TMED8: variants seen among roughly 807,000 people sequenced by gnomAD.
TMED8 encodes transmembrane p24 trafficking protein family member 8.
TMED8 carries 15 observed loss-of-function variants against 32.7 expected under a neutral mutation model. That is an observed-to-expected ratio of 0.46 (90% CI 0.31 to 0.71). TMED8 has a LOEUF of 0.71. Ranked by LOEUF, TMED8 falls within the 30% of genes least tolerant of loss-of-function variation. The probability of loss-of-function intolerance (pLI) is 0.06; values close to 1 mark genes in which losing one functional copy is unlikely to be tolerated. For synonymous variants in TMED8, 147 were observed against 161.4 expected, an observed-to-expected ratio of 0.91 and a Z score of 0.68; for missense variants, 390 against 423.9, an observed-to-expected ratio of 0.92 and a Z score of 0.70.
chr14:77,371,562 T>C (rs1315942530), intron 1 of TMED8, among the ~76,000 whole-genome samples: 2 of 152,208 alleles, frequency 1.3e-5, no homozygotes, highest in African/African-American at 4.8e-5. Flanking sequence ...CTAAATTACA[T>C]AAGAACTACT....
chr14:77,355,154 TTGTGTG>T (rs149768550), intron 1 of TMED8, among the ~76,000 whole-genome samples: 1 of 147,728 alleles, frequency 6.8e-6, no homozygotes, highest in Non-Finnish European at 1.5e-5. Flanking sequence ...TGTATATGTA[TTGTGTG>T]TGTGTGTGTG....
At chr14:77,344,433 C>G (rs923436450) in intron 3 of TMED8, among the ~76,000 whole-genome samples, 3 of 152,182 alleles carry the variant, frequency 2.0e-5, no homozygotes, top group Admixed American at 6.5e-5. Flanking sequence ...ACAATTTCAC[C>G]TTAGACCAGC....
intron 1 of TMED8, among the ~76,000 whole-genome samples, chr14:77,361,931 AGGCAT>A (rs1158494198): frequency 6.6e-6 from 1 of 152,272 alleles, no homozygotes; most frequent in East Asian, 1.9e-4. Flanking sequence ...CTGACACAAC[AGGCAT>A]GGGCTACCAC....
chr14:77,358,264 A>G (rs1893342300), intron 1 of TMED8, among the ~76,000 whole-genome samples: 1 of 152,086 alleles, frequency 6.6e-6, no homozygotes, highest in Non-Finnish European at 1.5e-5. Context: ...ATACATGTAA[A>G]ATGAATTCAT....
At chr14:77,349,159 G>A (rs913354606) in intron 2 of TMED8, among the ~76,000 whole-genome samples, 1 of 136,984 alleles carries the variant, frequency 7.3e-6, no homozygotes, top group Non-Finnish European at 1.5e-5. Context: ...CGCCCAAGCT[G>A]GGGTGTAGTG....
chr14:77,346,784 T>TG (rs1555359446), intron 2 of TMED8, among the ~76,000 whole-genome samples: 3 of 136,348 alleles, frequency 2.2e-5, no homozygotes, highest in East Asian at 2.0e-4. Context: ...TTTTTTTTTT[T>TG]GTCATTGTTG....
At chr14:77,347,460 T>G (rs944376511) in intron 2 of TMED8, among the ~76,000 whole-genome samples, 35 of 152,238 alleles carry the variant, frequency 2.3e-4, no homozygotes, top group African/African-American at 8.0e-4. Context: ...AGTTGTTTGT[T>G]TTTTGGCAGA....
intron 1 of TMED8, among the ~76,000 whole-genome samples, chr14:77,374,304 A>G (rs1208078937): frequency 6.6e-6 from 1 of 152,256 alleles, no homozygotes; most frequent in Non-Finnish European, 1.5e-5. Context: ...GGTCCAGGCC[A>G]AATATAGTAT....
intron 2 of TMED8, among the ~76,000 whole-genome samples, chr14:77,346,764 T>TG (rs1893053233): frequency 7.5e-6 from 1 of 134,160 alleles, no homozygotes; most frequent in South Asian, 2.2e-4. Flanking sequence ...GGTCTGGTTT[T>TG]TTTTTTTTTT....
chr14:77,359,584 G>T lies in TMED8; in HGVS notation c.119-7833C>A. 7.3e-6 allele frequency: 3 copies of T among 409,886 alleles called. 1 individual carries two copies. The highest frequency in any genetic ancestry group is 3.6e-5 in the South Asian group (2 of 56,312). 25.4% of individuals were successfully genotyped at this position (409,886 alleles called of 1,614,324 possible). Reference sequence around the variant, plus strand: ...TGCTATCGAGTAAAACTGAAGAGTGGCTTTCTACTTGATCAAAAAACAGTT... The same window carrying T: ...TGCTATCGAGTAAAACTGAAGAGTGTCTTTCTACTTGATCAAAAAACAGTT... On this transcript the variant is annotated intron_variant, in intron 1 of 5. Coordinates refer to ENST00000216468, the MANE Select transcript of TMED8 (RefSeq NM_213601.3).
chr14:77,373,302 TA>T (rs373245599), intron 1 of TMED8, among the ~76,000 whole-genome samples: 3,284 of 143,788 alleles, frequency 0.023, 51 homozygotes, highest in Admixed American at 0.049. Context: ...CCTTTAAACT[TA>T]AAAAAAAAAC....
intron 2 of TMED8, 134 bp from the exon 3 acceptor site, chr14:77,346,612 G>T: frequency 8.5e-7 from 1 of 1,172,162 alleles, no homozygotes; most frequent in East Asian, 2.4e-5. Flanking sequence ...TAGCTCTACT[G>T]TCACCTTAGC....
rs559142859 is a variant in TMED8 at position 77,356,479 on chromosome 14, A to G, written c.119-4728T>C. Among the ~76,000 whole-genome samples the G allele has an allele frequency of 2.0e-5, 3 of 152,330 alleles. No homozygotes were observed. In the South Asian group the frequency reaches 6.2e-4, roughly 32 times the overall value. On this transcript the variant is annotated intron_variant, in intron 1 of 5. Transcript: ENST00000216468. ...CTCATGCACCCTACCTATGTTTTCA[A>G]CAAGATTTTACTTGGCCTGGTTTCC...
chr14:77,343,549 TAA>T lies in TMED8; in HGVS notation c.455-68_455-67del, dbSNP rs1892959430. 26 of 1,587,902 alleles carry T rather than the reference TAA, an allele frequency of 1.6e-5. 1 individual carries two copies. The East Asian group carries it at 5.6e-4, about 34-fold the overall frequency. ...AACATGAGTACCCCGGGCATTTTGC[TAA>T]GAGAGGCTGGCACAGTCAGACATTC... On this transcript the variant is annotated intron_variant, in intron 4 of 5. Coordinates refer to ENST00000216468, the MANE Select transcript of TMED8 (RefSeq NM_213601.3).
At position 77,365,356 on chromosome 14, in the gene TMED8, A is replaced by G. The variant is rs190043737; in HGVS notation, c.118+11580T>C. Among the ~76,000 whole-genome samples the G allele has an allele frequency of 2.7e-4, 41 of 152,324 alleles. No homozygotes were observed. In the Middle Eastern group the frequency reaches 0.01, roughly 38 times the overall value. ...AAACTCATAAACAGACAGTTGTAAT[A>G]TAAGTGTGGTATCCTTTAGGATAGA... On this transcript the variant is annotated intron_variant, in intron 1 of 5. Coordinates refer to ENST00000216468, the MANE Select transcript of TMED8 (RefSeq NM_213601.3).
intron 1 of TMED8, among the ~76,000 whole-genome samples, chr14:77,367,133 T>C (rs1893568260): frequency 6.7e-6 from 1 of 149,850 alleles, no homozygotes; most frequent in Non-Finnish European, 1.5e-5. Context: ...TCCCAGCTAC[T>C]TGGGAGGCTG....
At chr14:77,365,346 C>G (rs1241227067) in intron 1 of TMED8, among the ~76,000 whole-genome samples, 1 of 152,150 alleles carries the variant, frequency 6.6e-6, no homozygotes, top group Non-Finnish European at 1.5e-5. Flanking sequence ...CATAAACAGA[C>G]AGTTGTAATA....
rs1892838013 is a variant in TMED8 at position 77,339,286 on chromosome 14, G to C, written c.*2485C>G. 1 of 152,220 alleles carries C rather than the reference G, an allele frequency of 6.6e-6. No homozygotes were observed. Among genetic ancestry groups the C allele is most frequent in the Non-Finnish European group, 1.5e-5 (1 of 68,050 alleles). 9.4% of individuals were successfully genotyped at this position (152,220 alleles called of 1,614,324 possible). ...CTGACAGTTGGTGAAAAACCAGTAT[G>C]AATGAAATGTAACCATGCCCAGGAC... On this transcript the variant is annotated 3_prime_UTR_variant, in exon 6 of 6. Transcript: ENST00000216468.
In TMED8 at chr14:77,336,920, CT is replaced by C. The variant is rs1892772509; in HGVS notation, c.*4850del. On this transcript the variant is annotated 3_prime_UTR_variant, in exon 6 of 6. Coordinates refer to ENST00000216468, the MANE Select transcript of TMED8 (RefSeq NM_213601.3). ...TCTCTCAAAGAGGGACTGAGCAGGA[CT>C]CATAAACATAAACTCATATTCCCTA... 6.6e-6 allele frequency: 1 copy of C among 152,124 alleles called. No homozygotes were observed. Among genetic ancestry groups the C allele is most frequent in the African/African-American group, 2.4e-5 (1 of 41,426 alleles). The allele number at this position is 152,124 out of a possible 1,614,324, so 9.4% of individuals were successfully genotyped here.
Sources: gnomAD v4.1 joint callset for allele counts (sites outside exome capture counted in the v4.1 genomes callset) on GRCh38, gnomAD v4.1.1 for gene constraint, MANE v1.5 for transcripts, NCBI Gene and HGNC (gene_info 2026-07-23, HGNC 2026-07-21) for gene names.